The following ATP11C variants were observed in gnomAD, a reference collection of about 807,000 sequenced individuals.
ATP11C encodes the protein phospholipid-transporting ATPase IG.
In ATP11C, 36 loss-of-function variants were observed where a neutral mutation model predicts 97.4. The observed-to-expected ratio is 0.37, with a 90% CI of 0.28 to 0.49. The LOEUF is 0.49. Ranked by LOEUF, ATP11C falls within the 20% of genes least tolerant of loss-of-function variation. ATP11C has a pLI of 0.98. For missense variants in ATP11C, 730 were observed against 824.6 expected (o/e 0.89, Z 1.40); for synonymous variants, 275 against 290.9 (o/e 0.95, Z 0.56).
chrX:139,930,234 C>G (rs965587088), intron 1 of ATP11C, among the ~76,000 whole-genome samples: 1 of 111,248 alleles, frequency 9.0e-6, no homozygotes, highest in African/African-American at 3.3e-5. Context: ...CTACTGCATG[C>G]CCTGGCTTCC....
chrX:139,794,596 T>G (rs917635276), intron 12 of ATP11C, among the ~76,000 whole-genome samples: 4 of 111,734 alleles, frequency 3.6e-5, no homozygotes, highest in African/African-American at 1.3e-4. Context: ...AAAGGAAGAC[T>G]GCAGCTTCTT....
chrX:139,888,429 C>T (rs1487966638), intron 1 of ATP11C, among the ~76,000 whole-genome samples: 1 of 111,085 alleles, frequency 9.0e-6, no homozygotes, highest in Admixed American at 9.6e-5. Context: ...CTGCGCCCAG[C>T]CCAAAGCTGT....
intron 1 of ATP11C, among the ~76,000 whole-genome samples, chrX:139,899,300 G>A (rs756673497): frequency 9.0e-6 from 1 of 110,521 alleles, no homozygotes; most frequent in African/African-American, 3.3e-5. Flanking sequence ...AGCCAACATG[G>A]TGAAACCCCA....
intron 22 of ATP11C, among the ~76,000 whole-genome samples, chrX:139,761,084 G>A (rs1002677161): frequency 3.6e-5 from 4 of 110,416 alleles, no homozygotes; most frequent in African/African-American, 1.3e-4. Context: ...AGGAGTTTGA[G>A]GCCGGCCTGG....
At chrX:139,755,659 G>A (rs1374597930) in intron 23 of ATP11C, among the ~76,000 whole-genome samples, 1 of 110,906 alleles carries the variant, frequency 9.0e-6, no homozygotes, top group East Asian at 2.8e-4. Context: ...TAGAGAGCCC[G>A]GAAAAAAGGC....
chrX:139,787,587 C>T (rs1278589602), intron 14 of ATP11C, among the ~76,000 whole-genome samples: 3 of 112,647 alleles, frequency 2.7e-5, no homozygotes, highest in Non-Finnish European at 3.8e-5. Flanking sequence ...CGTGAGCCAC[C>T]GCACCTGGTC....
chrX:139,732,544 A>C (rs1278838519), intron 28 of ATP11C: 1 of 332,225 alleles, frequency 3.0e-6, no homozygotes, highest in East Asian at 7.7e-5. Flanking sequence ...CAATTGCACA[A>C]AAGGTGGAAA....
At chrX:139,760,425 T>C (rs1205158341) in intron 22 of ATP11C, among the ~76,000 whole-genome samples, 1 of 111,969 alleles carries the variant, frequency 8.9e-6, no homozygotes. Flanking sequence ...GTATTTTCTT[T>C]AAATATAAAG....
At chrX:139,777,910 A>T (rs1419916866) in intron 18 of ATP11C, among the ~76,000 whole-genome samples, 5 of 110,146 alleles carry the variant, frequency 4.5e-5, no homozygotes, top group Non-Finnish European at 9.5e-5. Context: ...TGTCACCTAA[A>T]GTGTAGCAGT....
intron 1 of ATP11C, among the ~76,000 whole-genome samples, chrX:139,862,456 T>A (rs776008587): frequency 1.8e-5 from 2 of 111,411 alleles, no homozygotes; most frequent in South Asian, 7.7e-4. Flanking sequence ...TCTGATGCTA[T>A]CTCCAGAAAG....
At chrX:139,795,428 G>C (rs1355861149) in intron 12 of ATP11C, among the ~76,000 whole-genome samples, 1 of 111,441 alleles carries the variant, frequency 9.0e-6, no homozygotes, top group African/African-American at 3.3e-5. Flanking sequence ...ATTTAAACAA[G>C]TGTGAGGCTC....
At chrX:139,917,977 A>C (rs2085181752) in intron 1 of ATP11C, among the ~76,000 whole-genome samples, 1 of 108,348 alleles carries the variant, frequency 9.2e-6, no homozygotes, top group Non-Finnish European at 1.9e-5. Flanking sequence ...AAAAAAAAAA[A>C]AAAAAGACAG....
At position 139,932,915 on chromosome X, in the gene ATP11C, G is replaced by C. The variant is rs778438474; in HGVS notation, c.-873C>G. Reference sequence around the variant, plus strand: ...CCACCCTCCTCATCTGCACCGACGAGGGTTCCCCCTCGACCCTCGCGCCGC... The same window carrying C: ...CCACCCTCCTCATCTGCACCGACGACGGTTCCCCCTCGACCCTCGCGCCGC... On this transcript the variant is annotated 5_prime_UTR_variant, in exon 1 of 30. Coordinates refer to ENST00000682941, the MANE Select transcript of ATP11C (RefSeq NM_001353812.2). The C allele has an allele frequency of 6.2e-5, 7 of 112,011 alleles. No homozygotes were observed. In the East Asian group the frequency reaches 2.0e-3, roughly 32 times the overall value. 9.2% of individuals were successfully genotyped at this position (112,011 alleles called of 1,213,427 possible).
chrX:139,925,444 C>G (rs1392134290), intron 1 of ATP11C, among the ~76,000 whole-genome samples: 1 of 7,015 alleles, frequency 1.4e-4, no homozygotes, highest in Non-Finnish European at 9.0e-4. Context: ...TGCTACCACT[C>G]CTGGCTAATT....
intron 12 of ATP11C, among the ~76,000 whole-genome samples, chrX:139,792,767 G>GC (rs2082719983): frequency 8.9e-6 from 1 of 111,752 alleles, no homozygotes; most frequent in Non-Finnish European, 1.9e-5. Context: ...AGGGTGGTGC[G>GC]CCCAAGGAAG....
intron 28 of ATP11C, among the ~76,000 whole-genome samples, chrX:139,736,639 T>C (rs1161042538): frequency 3.6e-5 from 4 of 111,761 alleles, no homozygotes; most frequent in African/African-American, 1.3e-4. Context: ...AATCAGGTAT[T>C]TGAATGCAAC....
At chrX:139,730,487 C>G (rs1336971540) in intron 29 of ATP11C, among the ~76,000 whole-genome samples, 1 of 111,431 alleles carries the variant, frequency 9.0e-6, no homozygotes, top group Non-Finnish European at 1.9e-5. Context: ...GAGTCTGCTT[C>G]TAAAATAACA....
chrX:139,920,759 T>C (rs1219620402), intron 1 of ATP11C, among the ~76,000 whole-genome samples: 1 of 111,743 alleles, frequency 8.9e-6, no homozygotes, highest in Non-Finnish European at 1.9e-5. Flanking sequence ...CAGAAATCAG[T>C]CGAAAGTCAA....
chrX:139,796,563 A>G lies in ATP11C; in HGVS notation c.1009-93T>C, dbSNP rs189601966. On this transcript the variant is annotated intron_variant, in intron 11 of 29. Coordinates refer to ENST00000682941, the MANE Select transcript of ATP11C (RefSeq NM_001353812.2). ...AAGAATTAATTTCATCTTTATTTCA[A>G]TGCTGAAAACACTGCTCTTGCTATA... 2.3e-3 allele frequency: 1,386 copies of G among 603,444 alleles called. 1 individual carries two copies. The highest frequency in any genetic ancestry group is 3.3e-3 in the Non-Finnish European group (1,287 of 390,067). The allele number at this position is 603,444 out of a possible 1,213,427, so 49.7% of individuals were successfully genotyped here. A position where few individuals can be genotyped will look rare whatever the true frequency, so the allele number is the denominator to read the frequency against.
Sources: allele counts gnomAD v4.1 joint callset (sites outside exome capture counted in the v4.1 genomes callset), GRCh38; gene constraint gnomAD v4.1.1; transcripts MANE v1.5; gene names NCBI Gene and HGNC (gene_info 2026-07-23, HGNC 2026-07-21).